Variants in NR5A2 observed in about 807,000 individuals in gnomAD.
The protein encoded by NR5A2 is nuclear receptor subfamily 5 group A member 2, also known as CYP7A promoter-binding factor.
In NR5A2, 26 loss-of-function variants were observed where a neutral mutation model predicts 62.7. The observed-to-expected ratio is 0.41, with a 90% CI of 0.30 to 0.58. NR5A2 has a LOEUF of 0.58. NR5A2 is among the 20% of genes least tolerant of loss of function. The pLI is 0.22. For missense variants in NR5A2, 541 were observed against 669.1 expected, an observed-to-expected ratio of 0.81 and a Z score of 2.11; for synonymous variants, 246 against 241.7, an observed-to-expected ratio of 1.02 and a Z score of -0.16.
Position 200,166,649 on chromosome 1 carries a change from G to T in NR5A2, c.1379-7314G>T, listed in dbSNP as rs191333653. Among the ~76,000 whole-genome samples, 26 of 152,224 alleles carry T rather than the reference G, an allele frequency of 1.7e-4. No homozygotes were observed. In the East Asian group the frequency reaches 4.8e-3, roughly 28 times the overall value. ...AAACTCCAGGACTTTAAAATAATGA[G>T]CCCTGCAGGGTTCAGATTCCTGCTC... is the stretch of plus-strand genomic sequence containing the variant. On this transcript the variant is annotated intron_variant, in intron 7 of 7. Coordinates refer to ENST00000367362, the MANE Select transcript of NR5A2 (RefSeq NM_205860.3).
At chr1:200,072,563 G>C (rs1281119203) in intron 5 of NR5A2, among the ~76,000 whole-genome samples, 2 of 152,160 alleles carry the variant, frequency 1.3e-5, no homozygotes, top group Non-Finnish European at 2.9e-5. Context: ...TAATAAGGAA[G>C]TGGGAGTAAA....
At chr1:200,117,484 AGG>A (rs1666276480) in intron 6 of NR5A2, among the ~76,000 whole-genome samples, 1 of 152,340 alleles carries the variant, frequency 6.6e-6, no homozygotes, top group South Asian at 2.1e-4. Flanking sequence ...ATCTCACTAA[AGG>A]TCTCTCACTA....
At chr1:200,087,393 C>A (rs907699400) in intron 5 of NR5A2, among the ~76,000 whole-genome samples, 1 of 152,032 alleles carries the variant, frequency 6.6e-6, no homozygotes, top group Non-Finnish European at 1.5e-5. Flanking sequence ...TCTCCATCCA[C>A]TTTATTTCCC....
chr1:200,077,328 A>T (rs1374452095), intron 5 of NR5A2, among the ~76,000 whole-genome samples: 3 of 152,272 alleles, frequency 2.0e-5, no homozygotes, highest in African/African-American at 7.2e-5. Context: ...ATTAAGAAGC[A>T]AATTCCGGAG....
At chr1:200,171,790 G>A (rs1654193392) in intron 7 of NR5A2, among the ~76,000 whole-genome samples, 1 of 152,072 alleles carries the variant, frequency 6.6e-6, no homozygotes, top group African/African-American at 2.4e-5. Context: ...ATGCTGAGCT[G>A]AAGACTCTAA....
rs956033252 is a variant in NR5A2, at chr1:200,036,157, C to T, written c.65-3501C>T. On this transcript the variant is annotated intron_variant, in intron 1 of 7. Transcript: ENST00000367362. ...CGCCGGCGTTTAGACCACACAGACC[C>T]GGTTCCACCTACTTACATCTCAACT... Among the ~76,000 whole-genome samples the T allele has an allele frequency of 1.1e-4, 17 of 152,308 alleles. 1 individual carries two copies. The highest frequency in any genetic ancestry group is 9.8e-4 in the Admixed American group (15 of 15,310).
intron 7 of NR5A2, among the ~76,000 whole-genome samples, chr1:200,135,099 T>G (rs1667150730): frequency 6.6e-6 from 1 of 152,234 alleles, no homozygotes; most frequent in African/African-American, 2.4e-5. Context: ...GGACTCAGCA[T>G]GGCTAACGTG....
At position 200,147,242 on chromosome 1, in the gene NR5A2, C is replaced by A. The variant is rs923454909; in HGVS notation, c.1378+26287C>A. Among the ~76,000 whole-genome samples, 4 of 152,204 alleles carry A rather than the reference C, an allele frequency of 2.6e-5. No individual in the cohort carries two copies. Among genetic ancestry groups the A allele is most frequent in the Admixed American group, 2.6e-4 (4 of 15,278 alleles). ...TGAAGCCAGCGAGGCCGCTGCACCACGTGGTGTCAGGAGACCTTAGCAATG... is the reference window on the plus strand; with the variant it reads ...TGAAGCCAGCGAGGCCGCTGCACCAAGTGGTGTCAGGAGACCTTAGCAATG... On this transcript the variant is annotated intron_variant, in intron 7 of 7. Transcript: ENST00000367362. The surrounding 1 kb of genome is among the most constrained non-coding windows in gnomAD (Gnocchi z 4.9).
chr1:200,144,168 C>A (rs1344110468), intron 7 of NR5A2, among the ~76,000 whole-genome samples: 1 of 151,434 alleles, frequency 6.6e-6, no homozygotes, highest in Non-Finnish European at 1.5e-5. Context: ...TGTTTGAATC[C>A]TCCCATCACC....
At chr1:200,041,906 G>A (rs1662104450) in intron 2 of NR5A2, among the ~76,000 whole-genome samples, 1 of 150,700 alleles carries the variant, frequency 6.6e-6, no homozygotes, top group Non-Finnish European at 1.5e-5. Context: ...TGTAAAGTTA[G>A]AGTTTACTTT....
At chr1:200,063,208 T>C (rs12757182) in intron 5 of NR5A2, among the ~76,000 whole-genome samples, 18,476 of 152,076 alleles carry the variant, frequency 0.12, 1,173 homozygotes, top group Middle Eastern at 0.18. Context: ...TTTTTTTTAG[T>C]GGAGACAGTG....
chr1:200,174,802 G>C lies in NR5A2; in HGVS notation c.*592G>C, dbSNP rs1654346298. 1 of 152,606 alleles carries C rather than the reference G, an allele frequency of 6.6e-6. No individual in the cohort carries two copies. The highest frequency in any genetic ancestry group is 1.5e-5 in the Non-Finnish European group (1 of 68,038). 9.5% of individuals were successfully genotyped at this position (152,606 alleles called of 1,614,324 possible). A position where few individuals can be genotyped will look rare whatever the true frequency, so the allele number is the denominator to read the frequency against. On this transcript the variant is annotated 3_prime_UTR_variant, in exon 8 of 8. Coordinates refer to ENST00000367362, the MANE Select transcript of NR5A2 (RefSeq NM_205860.3). The stretch of plus-strand genomic sequence containing the variant: ...TGGTAGCTCCACCAAATCATGAACA[G>C]CCTAATTTTGAGTGTCTGTGTCTTA...
At chr1:200,038,746 T>C in intron 1 of NR5A2, 1 of 1,365,718 alleles carries the variant, frequency 7.3e-7, no homozygotes, top group Non-Finnish European at 9.8e-7. Context: ...GCCGCCACGC[T>C]CAGACAGAGG....
intron 7 of NR5A2, among the ~76,000 whole-genome samples, chr1:200,121,213 A>G (rs114609068): frequency 0.016 from 2,387 of 152,324 alleles, 73 homozygotes; most frequent in African/African-American, 0.054. Flanking sequence ...CTTCCATAAT[A>G]TACAGATAAG....
chr1:200,043,700 T>C, intron 2 of NR5A2, 74 bp from the exon 3 acceptor site: 1 of 913,460 alleles, frequency 1.1e-6, no homozygotes, highest in South Asian at 1.7e-5. Flanking sequence ...ATCACCAAAA[T>C]GCTTTTTGTT....
At chr1:200,163,099 A>T (rs1320167116) in intron 7 of NR5A2, among the ~76,000 whole-genome samples, 1 of 152,210 alleles carries the variant, frequency 6.6e-6, no homozygotes, top group Non-Finnish European at 1.5e-5. Flanking sequence ...TTGGCACTAC[A>T]AGCCAAAGCA....
intron 5 of NR5A2, among the ~76,000 whole-genome samples, chr1:200,108,268 T>G (rs554211716): frequency 3.8e-4 from 57 of 151,848 alleles, no homozygotes; most frequent in Admixed American, 2.3e-3. Context: ...CATTTTTTTG[T>G]AATCTCCCTA....
rs765564537 is a variant in NR5A2 at position 200,174,017 on chromosome 1, A to G, written c.1433A>G (p.Asn478Ser). 6.2e-7 allele frequency: 1 copy of G among 1,605,048 alleles called. No individual in the cohort carries two copies. The highest frequency in any genetic ancestry group is 8.5e-7 in the Non-Finnish European group (1 of 1,175,768). ...QLVEGVQEQV[N>S]AALLDYTMCN... ...GTAGAAGGTGTCCAGGAACAAGTCA[A>G]TGCCGCCCTGCTGGACTACACAATG... The change falls in exon 8 of 8, where the codon AAT (asparagine) becomes AGT (serine). Residue 478 changes from asparagine (N) to serine (S), a missense_variant. Physicochemically the swap from Asn to Ser is conservative, Grantham distance 46 (BLOSUM62 1). Coordinates refer to ENST00000367362, the MANE Select transcript of NR5A2 (RefSeq NM_205860.3).
chr1:200,088,775 C>T (rs1019264206), intron 5 of NR5A2, among the ~76,000 whole-genome samples: 14 of 152,166 alleles, frequency 9.2e-5, no homozygotes, highest in African/African-American at 2.9e-4. Flanking sequence ...GTGCTAAAGC[C>T]GGGCAGCAAG....
Sources: gnomAD v4.1 joint callset for allele counts (sites outside exome capture counted in the v4.1 genomes callset) on GRCh38, gnomAD v4.1.1 for gene constraint, Gnocchi (gnomAD v3.1) non-coding constraint, MANE v1.5 for transcripts, NCBI Gene and HGNC (gene_info 2026-07-23, HGNC 2026-07-21) for gene names.